The following PDZRN3 variants were observed in gnomAD, a reference collection of about 807,000 sequenced individuals.
PDZRN3 encodes E3 ubiquitin-protein ligase PDZRN3.
In PDZRN3, 38 loss-of-function variants were observed where a neutral mutation model predicts 85.7. The observed-to-expected ratio is 0.44, with a 90% confidence interval of 0.34 to 0.58. The LOEUF is 0.58. Ranked by LOEUF, PDZRN3 falls within the 20% of genes least tolerant of loss-of-function variation. The probability of loss-of-function intolerance (pLI) is 0.01; values close to 1 mark genes in which losing one functional copy is unlikely to be tolerated. For synonymous variants in PDZRN3, 759 were observed against 638.0 expected, an observed-to-expected ratio of 1.19 and a Z score of -2.86; for missense variants, 1,629 against 1,506.4, an observed-to-expected ratio of 1.08 and a Z score of -1.35.
At chr3:73,441,202 G>A (rs1045910509) in intron 3 of PDZRN3, among the ~76,000 whole-genome samples, 1 of 151,874 alleles carries the variant, frequency 6.6e-6, no homozygotes, top group Non-Finnish European at 1.5e-5. Flanking sequence ...ATCACGAGCT[G>A]GGCAGATAGA....
chr3:73,494,639 T>G (rs1465506485), intron 3 of PDZRN3, among the ~76,000 whole-genome samples: 1 of 152,216 alleles, frequency 6.6e-6, no homozygotes, highest in East Asian at 1.9e-4. Flanking sequence ...AATAGAATAT[T>G]TAAGAGCTGT....
Position 73,383,986 on chromosome 3 carries a change from C to G in PDZRN3, c.2580G>C (p.Leu860=), listed in dbSNP as rs141906672. 6.3e-7 allele frequency: 1 copy of G among 1,590,608 alleles called. No individual in the cohort carries two copies. The highest frequency in any genetic ancestry group is 2.2e-5 in the East Asian group (1 of 44,686). Residue 860 remains leucine, a synonymous_variant, in exon 10 of 10, where the codon CTG becomes CTC. Coordinates refer to ENST00000263666, the MANE Select transcript of PDZRN3 (RefSeq NM_015009.3). ...TPSQKLGSAY[L]PSYHHSPYKH... ...TGTATGGGGAGTGGTGATAGGAGGG[C>G]AGGTAGGCGCTGCCCAGCTTCTGGC...
chr3:73,414,266 G>A (rs1309712693), intron 3 of PDZRN3, among the ~76,000 whole-genome samples: 1 of 152,114 alleles, frequency 6.6e-6, no homozygotes, highest in Admixed American at 6.5e-5. Context: ...CTTATTACAA[G>A]ACTATGAAAA....
intron 3 of PDZRN3, among the ~76,000 whole-genome samples, chr3:73,574,214 C>G (rs986494285): frequency 8.5e-5 from 13 of 152,206 alleles, no homozygotes; most frequent in Non-Finnish European, 1.2e-4. Flanking sequence ...TCTTCTAAAG[C>G]CAAAGGCTGT....
intron 3 of PDZRN3, among the ~76,000 whole-genome samples, chr3:73,494,702 A>T (rs1703834378): frequency 6.6e-6 from 1 of 152,172 alleles, no homozygotes; most frequent in Non-Finnish European, 1.5e-5. Flanking sequence ...TTATTAAGTA[A>T]TTTTTGCCTG....
At chr3:73,427,591 G>T (rs1296232309) in intron 3 of PDZRN3, among the ~76,000 whole-genome samples, 1 of 152,236 alleles carries the variant, frequency 6.6e-6, no homozygotes, top group African/African-American at 2.4e-5. Context: ...GAGAGGGGCT[G>T]TCTTCTCCCT....
At chr3:73,513,114 A>G (rs1046771201) in intron 3 of PDZRN3, among the ~76,000 whole-genome samples, 1 of 152,158 alleles carries the variant, frequency 6.6e-6, no homozygotes, top group Non-Finnish European at 1.5e-5. Context: ...CTGCCAGGGC[A>G]CTCTGAATCT....
intron 1 of PDZRN3, among the ~76,000 whole-genome samples, chr3:73,616,212 C>T (rs541841402): frequency 4.5e-4 from 68 of 152,322 alleles, no homozygotes; most frequent in African/African-American, 1.5e-3. Context: ...TGAGCAGACG[C>T]CGGTGCCATG....
At chr3:73,509,759 C>T (rs1008488241) in intron 3 of PDZRN3, among the ~76,000 whole-genome samples, 1 of 152,206 alleles carries the variant, frequency 6.6e-6, no homozygotes, top group African/African-American at 2.4e-5. Flanking sequence ...ATTGAATAAT[C>T]AATTCTTGCC....
At chr3:73,433,775 T>C (rs1460589731) in intron 3 of PDZRN3, 10 of 1,529,898 alleles carry the variant, frequency 6.5e-6, no homozygotes, top group Middle Eastern at 1.7e-4. Context: ...TCCCTTACAG[T>C]GCAGGCATTG....
intron 2 of PDZRN3, among the ~76,000 whole-genome samples, chr3:73,603,485 T>C (rs1702546574): frequency 6.6e-6 from 1 of 152,230 alleles, no homozygotes; most frequent in South Asian, 2.1e-4. Flanking sequence ...GATTAACAGA[T>C]GGATTTATAA....
intron 3 of PDZRN3, among the ~76,000 whole-genome samples, chr3:73,492,681 G>C (rs1389179263): frequency 1.3e-5 from 2 of 152,194 alleles, no homozygotes; most frequent in Non-Finnish European, 2.9e-5. Context: ...CATTTGGACA[G>C]CTAGACAGGA....
chr3:73,482,991 A>G (rs1366239240), intron 3 of PDZRN3, among the ~76,000 whole-genome samples: 2 of 152,238 alleles, frequency 1.3e-5, no homozygotes, highest in Non-Finnish European at 2.9e-5. Flanking sequence ...TTTACCGTAA[A>G]TTAAACTCTA....
At chr3:73,460,022 T>C (rs1156593177) in intron 3 of PDZRN3, among the ~76,000 whole-genome samples, 1 of 152,228 alleles carries the variant, frequency 6.6e-6, no homozygotes, top group Non-Finnish European at 1.5e-5. Flanking sequence ...GAATCTGTTA[T>C]TGTTAGAATT....
intron 3 of PDZRN3, among the ~76,000 whole-genome samples, chr3:73,488,817 G>C (rs1703714003): frequency 6.6e-6 from 1 of 152,170 alleles, no homozygotes; most frequent in South Asian, 2.1e-4. Context: ...AATTTGATGG[G>C]ATCATGGAGC....
intron 3 of PDZRN3, among the ~76,000 whole-genome samples, chr3:73,531,714 C>G (rs1003298281): frequency 5.3e-5 from 8 of 152,188 alleles, no homozygotes; most frequent in South Asian, 2.1e-4. Flanking sequence ...CTCCCAAATT[C>G]CCAATGCTAC....
chr3:73,466,507 T>C (rs966585512), intron 3 of PDZRN3, among the ~76,000 whole-genome samples: 33 of 152,296 alleles, frequency 2.2e-4, no homozygotes, highest in Admixed American at 1.9e-3. Flanking sequence ...CAGGTGATTA[T>C]GGCTAGCTCA....
chr3:73,457,895 C>T (rs1228667591), intron 3 of PDZRN3, among the ~76,000 whole-genome samples: 2 of 152,178 alleles, frequency 1.3e-5, no homozygotes, highest in African/African-American at 4.8e-5. Context: ...TTATGGAATT[C>T]CCAGCCTCCA....
intron 3 of PDZRN3, among the ~76,000 whole-genome samples, chr3:73,550,995 A>G (rs984461422): frequency 1.3e-5 from 2 of 152,234 alleles, no homozygotes; most frequent in African/African-American, 4.8e-5. Flanking sequence ...AGTGCAGAAT[A>G]ACGCTGGATG....
Sources: gnomAD v4.1 joint callset for allele counts (sites outside exome capture counted in the v4.1 genomes callset) on GRCh38, gnomAD v4.1.1 for gene constraint, MANE v1.5 for transcripts, NCBI Gene and HGNC (gene_info 2026-07-23, HGNC 2026-07-21) for gene names.